BRWD1: variants seen among roughly 807,000 people sequenced by gnomAD.
BRWD1 encodes bromodomain and WD repeat-containing protein 1.
Under a neutral mutation model 251.2 loss-of-function variants are expected in BRWD1, and 82 were observed. That is an observed-to-expected ratio of 0.33 (90% CI 0.27 to 0.39). The LOEUF (loss-of-function observed/expected upper bound fraction) is 0.39. Among genes scored for constraint, BRWD1 ranks in the 10% least tolerant of loss-of-function variants. BRWD1 has a pLI of 1.00. For synonymous variants in BRWD1, 918 were observed against 902.8 expected, an observed-to-expected ratio of 1.02 and a Z score of -0.30; for missense variants, 2,233 against 2,711.6, an observed-to-expected ratio of 0.82 and a Z score of 3.92.
intron 4 of BRWD1, among the ~76,000 whole-genome samples, chr21:39,304,224 C>A (rs2036212969): frequency 6.8e-6 from 1 of 146,336 alleles, no homozygotes; most frequent in South Asian, 2.1e-4. Context: ...CATCTTAATA[C>A]TTGATTAATC....
At position 39,297,146 on chromosome 21, in the gene BRWD1, A is replaced by G. The variant is rs953097275; in HGVS notation, c.350-783T>C. On this transcript the variant is annotated intron_variant, in intron 5 of 40. Transcript: ENST00000342449. ...GAAAAAAAAGTCTGCCCTCCTCTAT[A>G]GGAGATAGCAGCAGAACATAGGTTT... 4.1e-6 allele frequency: 4 copies of G among 985,322 alleles called. No homozygotes were observed. In the African/African-American group the frequency reaches 7.0e-5, roughly 17 times the overall value. 61.0% of individuals were successfully genotyped at this position (985,322 alleles called of 1,614,324 possible). A position where few individuals can be genotyped will look rare whatever the true frequency, so the allele number is the denominator to read the frequency against.
intron 17 of BRWD1, among the ~76,000 whole-genome samples, chr21:39,259,549 C>T (rs980643836): frequency 1.3e-5 from 2 of 152,160 alleles, no homozygotes; most frequent in Non-Finnish European, 2.9e-5. Flanking sequence ...CCACCCACCT[C>T]GACCTCCCAA....
At chr21:39,262,228 A>T (rs1036063512) in intron 17 of BRWD1, among the ~76,000 whole-genome samples, 4 of 152,242 alleles carry the variant, frequency 2.6e-5, no homozygotes, top group Admixed American at 2.6e-4. Flanking sequence ...TGGATATTTC[A>T]ATCTGGATGA....
chr21:39,199,137 G>A lies in BRWD1; in HGVS notation c.5279C>T (p.Ser1760Phe), dbSNP rs138058799. 2.2e-5 allele frequency: 36 copies of A among 1,614,000 alleles called. No homozygotes were observed. In the African/African-American group the frequency reaches 4.4e-4, roughly 20 times the overall value. The change falls in exon 40 of 41, where the codon TCT becomes TTT. Residue 1760 changes from serine (S) to phenylalanine (F), a missense_variant. This residue lies in a region of BRWD1 where 928 missense variants were observed against 970.0 expected (regional missense o/e 0.96). Transcript: ENST00000342449. Reference sequence around the variant, plus strand: ...TGCATGATCTGAATCATGACTTTTAGAGTCTTCCTCAGAAGACTCTATTTT... The same window carrying A: ...TGCATGATCTGAATCATGACTTTTAAAGTCTTCCTCAGAAGACTCTATTTT... Reference protein sequence around the residue: ...FLKIESSEEDSKSHDSDHACN... With the variant: ...FLKIESSEEDFKSHDSDHACN...
Position 39,196,710 on chromosome 21 carries a change from T to A in BRWD1, c.6359A>T (p.Glu2120Val). ...CCTTTTTACTTCCTTCTCTGCTGTT[T>A]CCTGTGAATCATGAATCACTTTTGT... ...SKTKVIHDSQ[E>V]TAEKEVKRKR... Residue 2120 changes from glutamate to valine, a missense_variant, in exon 41 of 41, where the codon GAA becomes GTA. Glu to Val is a moderately radical substitution (Grantham distance 121). Coordinates refer to ENST00000342449, the MANE Select transcript of BRWD1 (RefSeq NM_033656.4). 6.2e-7 allele frequency: 1 copy of A among 1,613,936 alleles called. No homozygotes were observed. The highest frequency in any genetic ancestry group is 8.5e-7 in the Non-Finnish European group (1 of 1,179,900).
Position 39,196,324 on chromosome 21 carries a change from A to G in BRWD1, c.6745T>C (p.Tyr2249His). The change falls in exon 41 of 41, where the codon TAC (tyrosine) becomes CAC (histidine). Residue 2249 changes from tyrosine to histidine, a missense_variant. Transcript: ENST00000342449. ...TRNQGRRTVR[Y>H]HDGDDDRSLE... ...CTTCTGTCATCATCCCCATCATGGTATCTCACAGTCCTTCTACCCTGATTT... is the reference window on the plus strand; with the variant it reads ...CTTCTGTCATCATCCCCATCATGGTGTCTCACAGTCCTTCTACCCTGATTT... The G allele has an allele frequency of 1.9e-6, 3 of 1,612,772 alleles. No individual in the cohort carries two copies. Among genetic ancestry groups the G allele is most frequent in the Non-Finnish European group, 1.7e-6 (2 of 1,179,420 alleles).
intron 21 of BRWD1, among the ~76,000 whole-genome samples, chr21:39,240,624 T>C (rs1259760624): frequency 6.6e-6 from 1 of 152,186 alleles, no homozygotes; most frequent in Non-Finnish European, 1.5e-5. Context: ...TAACTGCCCA[T>C]AACCAGGAGA....
rs2035973015 is a variant in BRWD1 at position 39,296,798 on chromosome 21, T to C, written c.350-435A>G. On this transcript the variant is annotated intron_variant, in intron 5 of 40. Coordinates refer to ENST00000342449, the MANE Select transcript of BRWD1 (RefSeq NM_033656.4). The stretch of plus-strand genomic sequence containing the variant: ...AGTCCCATTTAATGCCAAGTGTTTA[T>C]TTTTCAATGTAGAATTATATCATAC... 4 of 967,406 alleles carry C rather than the reference T, an allele frequency of 4.1e-6. No individual in the cohort carries two copies. The African/African-American group carries it at 5.3e-5, about 13-fold the overall frequency. The allele number at this position is 967,406 out of a possible 1,614,324, so 59.9% of individuals were successfully genotyped here. A position where few individuals can be genotyped will look rare whatever the true frequency, so the allele number is the denominator to read the frequency against.
At chr21:39,289,786 A>C (rs2035751064) in intron 8 of BRWD1, among the ~76,000 whole-genome samples, 1 of 152,002 alleles carries the variant, frequency 6.6e-6, no homozygotes, top group South Asian at 2.1e-4. Flanking sequence ...GCACTTTGCG[A>C]GGCCGAGGCG....
At chr21:39,239,599 T>TTA in intron 21 of BRWD1, among the ~76,000 whole-genome samples, 1 of 152,216 alleles carries the variant, frequency 6.6e-6, no homozygotes, top group Admixed American at 6.5e-5. Context: ...CCAAGTAGAG[T>TTA]GTCAGTCTTT....
At chr21:39,238,624 CAT>C (rs780133088) in intron 21 of BRWD1, 51 bp from the exon 22 acceptor site, 2 of 1,274,230 alleles carry the variant, frequency 1.6e-6, no homozygotes, top group East Asian at 4.6e-5. Flanking sequence ...TTAAACAACA[CAT>C]GTCCAGAAAA....
intron 29 of BRWD1, among the ~76,000 whole-genome samples, chr21:39,221,181 A>T (rs2033161799): frequency 6.6e-6 from 1 of 150,756 alleles, no homozygotes; most frequent in Admixed American, 6.6e-5. Flanking sequence ...AAAAAAATTC[A>T]AAAGAGCACA....
chr21:39,198,756 G>C lies in BRWD1; in HGVS notation c.5653+7C>G, dbSNP rs200242315. On this transcript the variant is annotated splice_region_variant and intron_variant, in intron 40 of 40. Coordinates refer to ENST00000342449, the MANE Select transcript of BRWD1 (RefSeq NM_033656.4). ...ATCAGTGAACAAAGATAAATGTTTT[G>C]AATTACCTTTCATAAAATTGTTTGG... 1 of 1,563,146 alleles carries C rather than the reference G, an allele frequency of 6.4e-7. No homozygotes were observed. Among genetic ancestry groups the C allele is most frequent in the Non-Finnish European group, 8.7e-7 (1 of 1,151,008 alleles).
At position 39,218,156 on chromosome 21, in the gene BRWD1, A is replaced by G; in HGVS notation, c.3655T>C (p.Tyr1219His). The change falls in exon 31 of 41, where the codon TAC becomes CAC. Residue 1219 changes from tyrosine (Y) to histidine (H), a missense_variant. Tyr to His is a moderately conservative substitution (Grantham distance 83). This residue lies in a region of BRWD1 where 167 missense variants were observed against 183.2 expected (regional missense o/e 0.91). Transcript: ENST00000342449. The stretch of plus-strand genomic sequence containing the variant: ...TGAAAGCAGGTTTCTACTAACCTGT[A>G]AAATCGATTAACAAGTCTCATTCGA... The part of the protein sequence containing the change: ...TIRMRLVNRF[Y>H]RRLSALVWEV... The G allele has an allele frequency of 6.2e-7, 1 of 1,604,066 alleles. No individual in the cohort carries two copies. Among genetic ancestry groups the G allele is most frequent in the Non-Finnish European group, 8.5e-7 (1 of 1,177,416 alleles).
chr21:39,184,538 T>C (rs990959932), downstream of BRWD1: 6 of 152,218 alleles, frequency 3.9e-5, no homozygotes, highest in African/African-American at 7.2e-5. Flanking sequence ...TTTTGTGACT[T>C]TGTCAGTAGT....
intron 4 of BRWD1, among the ~76,000 whole-genome samples, chr21:39,305,669 C>G (rs1168510203): frequency 6.6e-6 from 1 of 152,086 alleles, no homozygotes; most frequent in Non-Finnish European, 1.5e-5. Context: ...TAGAGACCAT[C>G]CTGGCCAACA....
rs2036012666 is a variant in BRWD1, at chr21:39,298,296, G to A, written c.349+136C>T. 4.5e-6 allele frequency: 6 copies of A among 1,338,436 alleles called. No homozygotes were observed. The Admixed American group carries it at 1.5e-4, about 34-fold the overall frequency. 82.9% of individuals were successfully genotyped at this position (1,338,436 alleles called of 1,614,324 possible). A position where few individuals can be genotyped will look rare whatever the true frequency, so the allele number is the denominator to read the frequency against. ...TAAAATTCAATGTTCTATGCTAAAT[G>A]CAGAGAATTTTATAGTCCACAGCAT... On this transcript the variant is annotated intron_variant, in intron 5 of 40. Coordinates refer to ENST00000342449, the MANE Select transcript of BRWD1 (RefSeq NM_033656.4).
intron 7 of BRWD1, among the ~76,000 whole-genome samples, chr21:39,294,714 T>C (rs77961326): frequency 1.3e-3 from 192 of 150,148 alleles, no homozygotes; most frequent in African/African-American, 4.4e-3. Context: ...ATGTGATGAA[T>C]GTTGGAACAG....
At position 39,192,816 on chromosome 21, in the gene BRWD1, CTG is replaced by C. The variant is rs1477488063; in HGVS notation, c.*3441_*3442del. On this transcript the variant is annotated 3_prime_UTR_variant, in exon 41 of 41. Coordinates refer to ENST00000342449, the MANE Select transcript of BRWD1 (RefSeq NM_033656.4). The stretch of plus-strand genomic sequence containing the variant: ...TTGCATTCTACTGATATACAAACCT[CTG>C]GGGTTTCAGTTGGCACAATCAAGTT... The C allele has an allele frequency of 1.0e-6, 1 of 985,012 alleles. No individual in the cohort carries two copies. The highest frequency in any genetic ancestry group is 1.7e-5 in the African/African-American group (1 of 57,192). 61.0% of individuals were successfully genotyped at this position (985,012 alleles called of 1,614,324 possible).
Sources: allele counts gnomAD v4.1 joint callset (sites outside exome capture counted in the v4.1 genomes callset), GRCh38; gene constraint gnomAD v4.1.1; regional missense constraint gnomAD v4.1.1; transcripts MANE v1.5; gene names NCBI Gene and HGNC (gene_info 2026-07-23, HGNC 2026-07-21).